Variants in FASN observed in about 807,000 individuals in gnomAD.
FASN encodes fatty acid synthase, also known as 3-hydroxyacyl-[acyl-carrier-protein] dehydratase.
Under a neutral mutation model 250.0 loss-of-function variants are expected in FASN, and 50 were observed. The observed-to-expected ratio is 0.20, with a 90% CI of 0.16 to 0.25. The LOEUF (loss-of-function observed/expected upper bound fraction) is 0.25, where lower values mean the gene tolerates loss of function less well. FASN is among the 10% of genes least tolerant of loss of function. The probability of loss-of-function intolerance (pLI) is 1.00; values close to 1 mark genes in which losing one functional copy is unlikely to be tolerated. For synonymous variants in FASN, 1,909 were observed against 1,584.0 expected (o/e 1.21, Z -4.87); for missense variants, 3,031 against 3,498.5 (o/e 0.87, Z 3.37).
rs1332456219 is a variant in FASN, at chr17:82,084,614, G to A, written c.4667C>T (p.Pro1556Leu). 5 of 1,607,208 alleles carry A rather than the reference G, an allele frequency of 3.1e-6. No homozygotes were observed. Among genetic ancestry groups the A allele is most frequent in the Non-Finnish European group, 4.2e-6 (5 of 1,177,680 alleles). ...GCAGAGCTGGGCGCCAGGGCAGGTG[G>A]GCTGGGCATGGCGCAGCGAGGAGCA... ...WVCSSLRHAQ[P>L]TCPGAQLCTV... The change falls in exon 27 of 43, where the codon CCC (proline) becomes CTC (leucine). Residue 1556 changes from proline to leucine, a missense_variant. Transcript: ENST00000306749.
rs776705211 is a variant in FASN at position 82,088,017 on chromosome 17, C to T, written c.2803G>A (p.Val935Ile). Residue 935 changes from valine (V) to isoleucine (I), a missense_variant, in exon 18 of 43, where the codon GTA becomes ATA. Transcript: ENST00000306749. ...GCACGGGAGGCCTCCAGGAGCCGTA[C>T]CTCCAGGGACACTGTCCCTGCAGAG... The part of the protein sequence containing the change: ...LPKTGTVSLE[V>I]RLLEASRAFE... 2.5e-6 allele frequency: 4 copies of T among 1,612,794 alleles called. No individual in the cohort carries two copies. The highest frequency in any genetic ancestry group is 1.7e-5 in the Admixed American group (1 of 60,032).
At chr17:82,091,134 C>G (rs2034198200) in intron 9 of FASN, 65 bp from the exon 10 acceptor site, 2 of 1,604,590 alleles carry the variant, frequency 1.2e-6, no homozygotes, top group Non-Finnish European at 1.7e-6. Flanking sequence ...CATCCCCGTC[C>G]CAGAGAGCAC....
Position 82,083,909 on chromosome 17 carries a change from C to A in FASN, c.5099-18G>T, listed in dbSNP as rs374590250. On this transcript the variant is annotated intron_variant, in intron 29 of 42. Coordinates refer to ENST00000306749, the MANE Select transcript of FASN (RefSeq NM_004104.5). ...AGCCGACCCTGGTGAAGAGAGGAAG[C>A]GCGGCTGGTGAGCCAGGGCGGCGGG... is the stretch of plus-strand genomic sequence containing the variant. 9 of 1,556,540 alleles carry A rather than the reference C, an allele frequency of 5.8e-6. No individual in the cohort carries two copies. Among genetic ancestry groups the A allele is most frequent in the South Asian group, 2.4e-5 (2 of 84,646 alleles).
rs554168200 is a variant in FASN, at chr17:82,087,192, G to A, written c.3285C>T (p.Ser1095=). The A allele has an allele frequency of 1.9e-5, 30 of 1,607,522 alleles. No homozygotes were observed. The highest frequency in any genetic ancestry group is 9.0e-5 in the East Asian group (4 of 44,686). The change falls in exon 21 of 43, where the codon TCC becomes TCT. Residue 1095 remains serine (S), a synonymous_variant. Transcript: ENST00000306749. ...GCGGGGCCGACTCAGTGTGGAGCCC[G>A]GAGATGTGGACGCCTCCGGCCACTG... ...RVTVAGGVHI[S]GLHTESAPRR... is the part of the protein sequence containing the mutation.
rs1167004057 is a variant in FASN at position 82,080,823 on chromosome 17, A to C, written c.6695T>G (p.Met2232Arg). ...LLVNPEGPTL[M>R]RLNSVQSSER... The stretch of plus-strand genomic sequence containing the variant: ...CGAGCTCTGCACGGAGTTGAGCCGC[A>C]TCAGGGTGGGGCCCTCCGGGTTCAC... The change falls in exon 39 of 43, where the codon ATG (methionine) becomes AGG (arginine). Residue 2232 changes from methionine to arginine, a missense_variant. By Grantham distance (91) the Met-to-Arg change is moderately conservative (BLOSUM62 -1). Transcript: ENST00000306749. The C allele has an allele frequency of 6.2e-7, 1 of 1,610,178 alleles. No individual in the cohort carries two copies. The highest frequency in any genetic ancestry group is 8.5e-7 in the Non-Finnish European group (1 of 1,179,150).
Position 82,096,070 on chromosome 17 carries a change from T to G in FASN, c.127+249A>C, listed in dbSNP as rs955415364. 2.0e-5 allele frequency among the ~76,000 whole-genome samples: 3 copies of G among 152,336 alleles called. No homozygotes were observed. The South Asian group carries it at 6.2e-4, about 32-fold the overall frequency. ...TTGCAGCCATTGGGGGAGCCTCCTG[T>G]TGGCCTTGCAGCCGTTGAGGGAACC... On this transcript the variant is annotated intron_variant, in intron 2 of 42. Coordinates refer to ENST00000306749, the MANE Select transcript of FASN (RefSeq NM_004104.5).
At chr17:82,084,738 G>A (rs2034058493) in intron 26 of FASN, 22 bp from the exon 27 acceptor site, 2 of 1,551,442 alleles carry the variant, frequency 1.3e-6, no homozygotes, top group Non-Finnish European at 1.7e-6. Flanking sequence ...GGGAGGTGGG[G>A]CTGCTGCGGG....
intron 10 of FASN, 86 bp downstream of exon 10, chr17:82,090,796 G>A (rs543024875): frequency 5.0e-5 from 74 of 1,478,810 alleles, no homozygotes; most frequent in African/African-American, 5.6e-5. Context: ...CAGGGGCCCC[G>A]GACTCAACAC....
Position 82,091,997 on chromosome 17 carries a change from T to G in FASN, c.1030-313A>C, listed in dbSNP as rs541592300. On this transcript the variant is annotated intron_variant, in intron 8 of 42. Coordinates refer to ENST00000306749, the MANE Select transcript of FASN (RefSeq NM_004104.5). ...GGCCCAGATGTTGCATCTCAGAGGC[T>G]GCAGAAGTTGGGGGGCAGAGGGCGT... 1.3e-3 allele frequency among the ~76,000 whole-genome samples: 195 copies of G among 152,326 alleles called. 1 individual carries two copies. Among genetic ancestry groups the G allele is most frequent in the Non-Finnish European group, 2.2e-3 (153 of 68,018 alleles).
rs752247009 is a variant in FASN, at chr17:82,091,244, G to A, written c.1470C>T (p.Arg490=). ...PEVQQVPAGE[R]PLWFICSGMG... ...CACCAGAGCAGATGAACCAGAGCGGGCGCTCGCCAGCGGGCACCTGCTGCA... is the reference window on the plus strand; with the variant it reads ...CACCAGAGCAGATGAACCAGAGCGGACGCTCGCCAGCGGGCACCTGCTGCA... The change falls in exon 9 of 43, where the codon CGC becomes CGT. Residue 490 remains arginine, a synonymous_variant. Transcript: ENST00000306749. The A allele has an allele frequency of 3.7e-6, 6 of 1,600,276 alleles. No individual in the cohort carries two copies. The highest frequency in any genetic ancestry group is 5.1e-6 in the Non-Finnish European group (6 of 1,174,292).
Position 82,082,885 on chromosome 17 carries a change from C to T in FASN, c.5767+29G>A, listed in dbSNP as rs371458480. ...GGCCCGGGGCTGTGCCTGGCCCAGG[C>T]TGGTCCACAAGCACCCCTGCCGACT... is the stretch of plus-strand genomic sequence containing the variant. On this transcript the variant is annotated intron_variant, in intron 33 of 42. Transcript: ENST00000306749. The T allele has an allele frequency of 8.7e-6, 14 of 1,611,194 alleles. No individual in the cohort carries two copies. In the Admixed American group the frequency reaches 1.7e-4, roughly 19 times the overall value.
At position 82,088,824 on chromosome 17, in the gene FASN, T is replaced by C; in HGVS notation, c.2357A>G (p.Lys786Arg). The C allele has an allele frequency of 6.2e-7, 1 of 1,612,542 alleles. No homozygotes were observed. The highest frequency in any genetic ancestry group is 1.3e-5 in the African/African-American group (1 of 75,036). ...CTCCAGGTTGTCCCTGTGATCCTTCTTCATCAGGGGGATGATGGTGCAGCT... is the reference window on the plus strand; with the variant it reads ...CTCCAGGTTGTCCCTGTGATCCTTCCTCATCAGGGGGATGATGGTGCAGCT... Reference protein sequence around the residue: ...KPSCTIIPLMKKDHRDNLEFF... With the variant: ...KPSCTIIPLMRKDHRDNLEFF... Residue 786 changes from lysine to arginine, a missense_variant, in exon 15 of 43, where the codon AAG (lysine) becomes AGG (arginine). Coordinates refer to ENST00000306749, the MANE Select transcript of FASN (RefSeq NM_004104.5).
At position 82,084,608 on chromosome 17, in the gene FASN, C is replaced by A. The variant is rs770833743; in HGVS notation, c.4673G>T (p.Cys1558Phe). The A allele has an allele frequency of 2.5e-5, 40 of 1,608,938 alleles. No homozygotes were observed. Among genetic ancestry groups the A allele is most frequent in the Non-Finnish European group, 3.3e-5 (39 of 1,178,454 alleles). ...CSSLRHAQPTCPGAQLCTVYY... is the reference protein window; with the variant it reads ...CSSLRHAQPTFPGAQLCTVYY... ...GACCGTGCAGAGCTGGGCGCCAGGG[C>A]AGGTGGGCTGGGCATGGCGCAGCGA... The change falls in exon 27 of 43, where the codon TGC becomes TTC. Residue 1558 changes from cysteine to phenylalanine, a missense_variant. Transcript: ENST00000306749.
intron 11 of FASN, 103 bp downstream of exon 11, chr17:82,090,272 A>G (rs1598581124): frequency 9.2e-6 from 11 of 1,201,416 alleles, no homozygotes; most frequent in East Asian, 2.6e-5. Flanking sequence ...AGCGGGGGCC[A>G]CTCTATCCTA....
rs148348606 is a variant in FASN, at chr17:82,090,011, G to A, written c.1871-285C>T. Reference sequence around the variant, plus strand: ...TCTTTCCAGGTCCTGCCCACATGTGGCCCATGGGGCTCAGAGATGGGTGCC... The same window carrying A: ...TCTTTCCAGGTCCTGCCCACATGTGACCCATGGGGCTCAGAGATGGGTGCC... On this transcript the variant is annotated intron_variant, in intron 11 of 42. Transcript: ENST00000306749. Among the ~76,000 whole-genome samples, 235 of 152,338 alleles carry A rather than the reference G, an allele frequency of 1.5e-3. 1 individual carries two copies. Among genetic ancestry groups the A allele is most frequent in the Middle Eastern group, 3.4e-3 (1 of 294 alleles).
Position 82,088,172 on chromosome 17 carries a change from A to C in FASN, c.2729T>G (p.Leu910Arg), listed in dbSNP as rs1197701058. The change falls in exon 17 of 43, where the codon CTG (leucine) becomes CGG (arginine). Residue 910 changes from leucine (L) to arginine (R), a missense_variant. By Grantham distance (102) the Leu-to-Arg change is moderately radical. Coordinates refer to ENST00000306749, the MANE Select transcript of FASN (RefSeq NM_004104.5). ...CACCACATCCTCAAACACCACAGGC[A>C]GCTGCTCGACGCCCAGGCCCAGGGC... ...ARALGLGVEQ[L>R]PVVFEDVVLH... 1 of 1,612,626 alleles carries C rather than the reference A, an allele frequency of 6.2e-7. No homozygotes were observed. Among genetic ancestry groups the C allele is most frequent in the African/African-American group, 1.3e-5 (1 of 74,928 alleles).
At chr17:82,083,155 G>T in intron 32 of FASN, 40 bp from the exon 33 acceptor site, 1 of 1,610,874 alleles carries the variant, frequency 6.2e-7, no homozygotes, top group East Asian at 2.2e-5. Context: ...GCACTGCCTG[G>T]GGACCAGAGC....
Position 82,080,494 on chromosome 17 carries a change from G to A in FASN, c.6923C>T (p.Ser2308Phe). The change falls in exon 40 of 43, where the codon TCC (serine) becomes TTC (phenylalanine). Residue 2308 changes from serine to phenylalanine, a missense_variant. Transcript: ENST00000306749. Reference protein sequence around the residue: ...PEGPYRVAGYSYGACVAFEMC... With the variant: ...PEGPYRVAGYFYGACVAFEMC... ...TTCAAAGGCCACGCAGGCCCCGTAGGAGTAGCCGGCCACGCGGTAGGGGCC... is the reference window on the plus strand; with the variant it reads ...TTCAAAGGCCACGCAGGCCCCGTAGAAGTAGCCGGCCACGCGGTAGGGGCC... The A allele has an allele frequency of 6.4e-7, 1 of 1,568,446 alleles. No individual in the cohort carries two copies. The highest frequency in any genetic ancestry group is 8.6e-7 in the Non-Finnish European group (1 of 1,157,738).
Position 82,080,454 on chromosome 17 carries a change from C to T in FASN, c.6963G>A (p.Leu2321=), listed in dbSNP as rs1298568362. The change falls in exon 40 of 43, where the codon CTG becomes CTA. Residue 2321 remains leucine, a synonymous_variant. Transcript: ENST00000306749. ...ACVAFEMCSQ[L]QAQQSPAPTH... is the part of the protein sequence containing the mutation. ...TGGGGGCTGGGCTCTGCTGGGCCTGCAGCTGGGAGCACATTTCAAAGGCCA... is the reference window on the plus strand; with the variant it reads ...TGGGGGCTGGGCTCTGCTGGGCCTGTAGCTGGGAGCACATTTCAAAGGCCA... 1.3e-6 allele frequency: 2 copies of T among 1,590,730 alleles called. No individual in the cohort carries two copies. Among genetic ancestry groups the T allele is most frequent in the Non-Finnish European group, 1.7e-6 (2 of 1,169,336 alleles).
Sources: gnomAD v4.1 joint callset for allele counts (sites outside exome capture counted in the v4.1 genomes callset) on GRCh38, gnomAD v4.1.1 for gene constraint, MANE v1.5 for transcripts, NCBI Gene and HGNC (gene_info 2026-07-23, HGNC 2026-07-21) for gene names.